The following TRPM1 variants were observed in gnomAD, a reference collection of about 807,000 sequenced individuals.
The protein encoded by TRPM1 is TRPM1-203 APA Isoform, Intron 10.
In TRPM1, 113 loss-of-function variants were observed where a neutral mutation model predicts 149.4. That is an observed-to-expected ratio of 0.76 (90% CI 0.65 to 0.88). The LOEUF (loss-of-function observed/expected upper bound fraction) is 0.88, where lower values mean the gene tolerates loss of function less well. TRPM1 is among the 40% of genes least tolerant of loss of function. TRPM1 has a pLI of 0.00. For synonymous variants in TRPM1, 741 were observed against 759.5 expected (o/e 0.98, Z 0.40); for missense variants, 1,976 against 2,038.7 (o/e 0.97, Z 0.59).
rs1232273932 is a variant in TRPM1, at chr15:31,161,039, G to A, written c.-80C>T. 5.7e-6 allele frequency: 8 copies of A among 1,408,006 alleles called. No homozygotes were observed. In the South Asian group the frequency reaches 7.3e-5, roughly 13 times the overall value. 87.2% of individuals were successfully genotyped at this position (1,408,006 alleles called of 1,614,324 possible). A position where few individuals can be genotyped will look rare whatever the true frequency, so the allele number is the denominator to read the frequency against. ...GTGGCACAGGGGCTGCCCTCCCTGG[G>A]TGGGCAGGAGCGGAGCCACACACTC... On this transcript the variant is annotated 5_prime_UTR_variant, in exon 1 of 27. Coordinates refer to the TRPM1 transcript ENST00000542188.
chr15:31,088,834 G>A (rs548490085), intron 1 of TRPM1, among the ~76,000 whole-genome samples: 1 of 150,538 alleles, frequency 6.6e-6, no homozygotes, highest in African/African-American at 2.4e-5. Context: ...CCTTTGTACC[G>A]GGGCGATGCG....
chr15:31,160,648 C>T (rs921942071), intron 1 of TRPM1, among the ~76,000 whole-genome samples: 3 of 152,252 alleles, frequency 2.0e-5, no homozygotes, highest in Non-Finnish European at 4.4e-5. Context: ...TCAGACGCCT[C>T]CCGGGTTTGC....
intron 16 of TRPM1, among the ~76,000 whole-genome samples, chr15:31,043,949 G>A (rs183128183): frequency 1.3e-5 from 2 of 152,246 alleles, no homozygotes; most frequent in Admixed American, 1.3e-4. Flanking sequence ...TCTGAACTGG[G>A]AGTGTAAGGA....
chr15:31,008,439 A>G (rs28805322), intron 27 of TRPM1, among the ~76,000 whole-genome samples: 13,585 of 152,238 alleles, frequency 0.089, 931 homozygotes, highest in African/African-American at 0.19. Flanking sequence ...TTTCTGCACC[A>G]ATTGCTAGAA....
chr15:31,035,450 A>G (rs2033315414), intron 21 of TRPM1, 96 bp downstream of exon 21: 1 of 1,566,246 alleles, frequency 6.4e-7, no homozygotes, highest in Non-Finnish European at 8.8e-7. Context: ...CTGGCCCAAC[A>G]TGCATAATTT....
Position 31,047,204 on chromosome 15 carries a change from G to A in TRPM1, c.1671C>T (p.Leu557=), listed in dbSNP as rs373631707. ...CTCCTCCCATGAGGTACTCCAGCAC[G>A]AGCCCGATGTCTATGAGGCTGATGT... is the stretch of plus-strand genomic sequence containing the variant. ...DYHISLIDIG[L]VLEYLMGGAY... Residue 557 remains leucine, a synonymous_variant, in exon 15 of 28, where the codon CTC becomes CTT. Coordinates refer to ENST00000256552, the MANE Select transcript of TRPM1 (RefSeq NM_001252024.2). 7.9e-5 allele frequency: 128 copies of A among 1,614,100 alleles called. No individual in the cohort carries two copies. The highest frequency in any genetic ancestry group is 1.6e-4 in the East Asian group (7 of 44,892).
At chr15:31,115,572 G>T (rs2035787342) in intron 1 of TRPM1, among the ~76,000 whole-genome samples, 1 of 152,090 alleles carries the variant, frequency 6.6e-6, no homozygotes, top group Non-Finnish European at 1.5e-5. Flanking sequence ...AGATGGTAAA[G>T]GTTCCAGAGA....
At chr15:31,086,966 A>T (rs1045555048) in intron 1 of TRPM1, among the ~76,000 whole-genome samples, 1 of 152,176 alleles carries the variant, frequency 6.6e-6, no homozygotes, top group African/African-American at 2.4e-5. Flanking sequence ...AACAAACATG[A>T]AAAGATACTC....
At chr15:31,059,905 C>T (rs2034178491) in intron 11 of TRPM1, among the ~76,000 whole-genome samples, 1 of 152,150 alleles carries the variant, frequency 6.6e-6, no homozygotes, top group African/African-American at 2.4e-5. Context: ...TTCACACACA[C>T]ACACGCTCAT....
chr15:31,141,110 G>C (rs545439444), intron 1 of TRPM1, among the ~76,000 whole-genome samples: 1 of 152,160 alleles, frequency 6.6e-6, no homozygotes, highest in East Asian at 1.9e-4. Flanking sequence ...GGGATTACAG[G>C]CATGAGCCAC....
intron 27 of TRPM1, among the ~76,000 whole-genome samples, chr15:31,006,027 G>A (rs1402721143): frequency 2.0e-5 from 3 of 152,166 alleles, no homozygotes; most frequent in Admixed American, 2.0e-4. Flanking sequence ...TATTTGTGTA[G>A]CTTTCTAAGT....
intron 7 of TRPM1, among the ~76,000 whole-genome samples, chr15:31,064,020 C>A (rs949164739): frequency 1.3e-5 from 2 of 152,152 alleles, no homozygotes; most frequent in African/African-American, 4.8e-5. Flanking sequence ...GGATCTGGAC[C>A]AGCCAGGGAA....
At chr15:31,154,474 T>A (rs1215862624) in intron 1 of TRPM1, among the ~76,000 whole-genome samples, 1 of 152,230 alleles carries the variant, frequency 6.6e-6, no homozygotes, top group Non-Finnish European at 1.5e-5. Context: ...GAAAGAGATC[T>A]AACTTAATCA....
In TRPM1 at chr15:31,152,248, C is replaced by A. The variant is rs1473317660; in HGVS notation, c.54+8658G>T. On this transcript the variant is annotated intron_variant, in intron 1 of 26. Coordinates refer to the TRPM1 transcript ENST00000542188. The stretch of plus-strand genomic sequence containing the variant: ...TGGATTAGTGCCTGGGTCTGAAGTG[C>A]CCCCCAACCCTCTATGGGCACAGAT... Among the ~76,000 whole-genome samples, 5 of 152,232 alleles carry A rather than the reference C, an allele frequency of 3.3e-5. No homozygotes were observed. The South Asian group carries it at 6.2e-4, about 19-fold the overall frequency.
intron 1 of TRPM1, among the ~76,000 whole-genome samples, chr15:31,089,199 C>T (rs1480188871): frequency 6.6e-6 from 1 of 152,266 alleles, no homozygotes; most frequent in East Asian, 1.9e-4. Flanking sequence ...GTGGTCATTT[C>T]TAGGTAGTTC....
chr15:31,001,578 T>C lies in TRPM1; in HGVS notation c.*244A>G. 1.7e-6 allele frequency: 1 copy of C among 578,366 alleles called. No individual in the cohort carries two copies. Among genetic ancestry groups the C allele is most frequent in the South Asian group, 2.1e-5 (1 of 48,006 alleles). The allele number at this position is 578,366 out of a possible 1,614,324, so 35.8% of individuals were successfully genotyped here. On this transcript the variant is annotated 3_prime_UTR_variant, in exon 28 of 28. Transcript: ENST00000256552. Reference sequence around the variant, plus strand: ...AGATTGTATAATCTTGTATACTGATTAGCCAATTTATCTTCGTTACAGTAT... The same window carrying C: ...AGATTGTATAATCTTGTATACTGATCAGCCAATTTATCTTCGTTACAGTAT...
chr15:31,034,076 A>AT (rs1213807264), intron 21 of TRPM1, among the ~76,000 whole-genome samples: 1 of 152,216 alleles, frequency 6.6e-6, no homozygotes, highest in African/African-American at 2.4e-5. Flanking sequence ...GAGAAAGGAT[A>AT]TGAAATGATG....
intron 1 of TRPM1, among the ~76,000 whole-genome samples, chr15:31,150,511 A>T (rs1227871098): frequency 2.2e-5 from 3 of 138,990 alleles, no homozygotes; most frequent in African/African-American, 8.3e-5. Flanking sequence ...ATCTCAGCTC[A>T]CTGCAATCTC....
intron 1 of TRPM1, among the ~76,000 whole-genome samples, chr15:31,127,225 T>A: frequency 6.6e-6 from 1 of 152,142 alleles, no homozygotes; most frequent in South Asian, 2.1e-4. Flanking sequence ...TCTCGTGGCA[T>A]CTCCAAGGAT....
Sources: gnomAD v4.1 joint callset for allele counts (sites outside exome capture counted in the v4.1 genomes callset) on GRCh38, gnomAD v4.1.1 for gene constraint, MANE v1.5 for transcripts, NCBI Gene and HGNC (gene_info 2026-07-23, HGNC 2026-07-21) for gene names.